The following NCKAP5 variants were observed in gnomAD, a reference collection of about 807,000 sequenced individuals.
NCKAP5 encodes NCK associated protein 5, also known as nck-associated protein 5.
A neutral mutation model predicts 167.0 loss-of-function variants in NCKAP5; 92 were observed. The observed-to-expected ratio is 0.55, with a 90% CI of 0.47 to 0.66. The LOEUF (loss-of-function observed/expected upper bound fraction) is 0.66. Among genes scored for constraint, NCKAP5 ranks in the 30% least tolerant of loss-of-function variants. The probability of loss-of-function intolerance (pLI) is 0.00; values close to 1 mark genes in which losing one functional copy is unlikely to be tolerated. For missense variants in NCKAP5, 2,378 were observed against 2,315.0 expected (o/e 1.03, Z -0.56); for synonymous variants, 891 against 877.4 (o/e 1.02, Z -0.27).
chr2:133,263,697 C>T (rs1054100557), intron 4 of NCKAP5, among the ~76,000 whole-genome samples: 1 of 152,108 alleles, frequency 6.6e-6, no homozygotes, highest in Admixed American at 6.6e-5. Flanking sequence ...GCCTTCTGTA[C>T]ATCCTCCCTA....
At chr2:132,796,098 C>T (rs968602487) in intron 12 of NCKAP5, among the ~76,000 whole-genome samples, 1 of 152,050 alleles carries the variant, frequency 6.6e-6, no homozygotes, top group Non-Finnish European at 1.5e-5. Context: ...CACAAATGTT[C>T]ATGTCATTGT....
At chr2:132,909,772 C>T (rs2148947740) in intron 8 of NCKAP5, among the ~76,000 whole-genome samples, 2 of 152,284 alleles carry the variant, frequency 1.3e-5, no homozygotes, top group Middle Eastern at 6.8e-3. Context: ...ATTTATGGCT[C>T]CTGCTGCTGC....
intron 5 of NCKAP5, among the ~76,000 whole-genome samples, chr2:133,181,135 A>G: frequency 6.7e-6 from 1 of 149,858 alleles, no homozygotes; most frequent in East Asian, 1.9e-4. Context: ...AGCAAAAACA[A>G]CACTATGTGA....
intron 6 of NCKAP5, among the ~76,000 whole-genome samples, chr2:133,036,497 A>C (rs1217070342): frequency 6.6e-6 from 1 of 152,088 alleles, no homozygotes; most frequent in East Asian, 1.9e-4. Flanking sequence ...TATCCCTGGG[A>C]TGCAAGGATG....
intron 3 of NCKAP5, among the ~76,000 whole-genome samples, chr2:133,503,164 T>C (rs1364473545): frequency 6.6e-6 from 1 of 152,168 alleles, no homozygotes; most frequent in Non-Finnish European, 1.5e-5. Flanking sequence ...CAACCCTTGG[T>C]TTTTATCTTA....
At chr2:133,672,600 T>C in the NCKAP5 span, among the ~76,000 whole-genome samples, 6 of 152,184 alleles carry the variant, frequency 3.9e-5, no homozygotes, top group African/African-American at 1.4e-4. Flanking sequence ...AAGAACCCAA[T>C]AGTAAATGTT....
chr2:133,280,756 G>C (rs74454919), intron 4 of NCKAP5, among the ~76,000 whole-genome samples: 1 of 152,084 alleles, frequency 6.6e-6, no homozygotes, highest in Non-Finnish European at 1.5e-5. Context: ...TGTAAATAGC[G>C]CTTTATTGGA....
chr2:132,688,985 CAAAA>C (rs34015551), intron 19 of NCKAP5, among the ~76,000 whole-genome samples: 4 of 66,332 alleles, frequency 6.0e-5, no homozygotes, highest in Admixed American at 1.9e-4. Context: ...GACACCAACT[CAAAA>C]AAAAAAAAAA....
the NCKAP5 span, among the ~76,000 whole-genome samples, chr2:133,626,726 T>C: frequency 1.3e-5 from 2 of 152,050 alleles, no homozygotes; most frequent in African/African-American, 4.8e-5. Flanking sequence ...TTAAATAACC[T>C]GGAAGTAGTA....
chr2:132,856,417 A>G (rs1043518736), intron 11 of NCKAP5, among the ~76,000 whole-genome samples: 1 of 152,154 alleles, frequency 6.6e-6, no homozygotes, highest in African/African-American at 2.4e-5. Flanking sequence ...GCAAAAACAA[A>G]AAGTCCGCAT....
chr2:132,689,146 C>T (rs1686383203), intron 19 of NCKAP5, among the ~76,000 whole-genome samples: 2 of 152,070 alleles, frequency 1.3e-5, no homozygotes, highest in South Asian at 2.1e-4. Flanking sequence ...GGGCATGGAA[C>T]CATGCCACAT....
chr2:133,594,399 C>T, the NCKAP5 span, among the ~76,000 whole-genome samples: 1 of 152,182 alleles, frequency 6.6e-6, no homozygotes, highest in Admixed American at 6.5e-5. Flanking sequence ...GACATGCCAC[C>T]ATGAGGATAC....
chr2:133,473,786 TAA>T (rs1228317093), intron 3 of NCKAP5, among the ~76,000 whole-genome samples: 1 of 152,210 alleles, frequency 6.6e-6, no homozygotes, highest in Non-Finnish European at 1.5e-5. Context: ...GCCTCATATT[TAA>T]GTTTTTCTTT....
At chr2:133,124,112 TA>T (rs1031777009) in intron 6 of NCKAP5, among the ~76,000 whole-genome samples, 1 of 152,070 alleles carries the variant, frequency 6.6e-6, no homozygotes, top group African/African-American at 2.4e-5. Context: ...CCCATTACAG[TA>T]AGTAAAGAAA....
Position 132,782,841 on chromosome 2 carries a change from T to C in NCKAP5, c.3970A>G (p.Asn1324Asp), listed in dbSNP as rs778252352. The C allele has an allele frequency of 2.5e-6, 4 of 1,613,862 alleles. No individual in the cohort carries two copies. The South Asian group carries it at 3.3e-5, about 13-fold the overall frequency. Residue 1324 changes from asparagine to aspartate, a missense_variant, in exon 14 of 20, where the codon AAC (asparagine) becomes GAC (aspartate). Physicochemically the swap from Asn to Asp is conservative, Grantham distance 23. This residue lies in a region of NCKAP5 where 1,325 missense variants were observed against 1,274.5 expected (regional missense o/e 1.04). Coordinates refer to ENST00000409261, the MANE Select transcript of NCKAP5 (RefSeq NM_207363.3). ...RQNSSTESSPNKAPSAPMLES... is the reference protein window; with the variant it reads ...RQNSSTESSPDKAPSAPMLES... ...AACATGGGAGCAGAAGGGGCCTTGT[T>C]GGGAGAGCTTTCCGTGGAAGAGTTC...
chr2:132,866,761 G>A (rs1190613122), intron 10 of NCKAP5, among the ~76,000 whole-genome samples: 1 of 152,114 alleles, frequency 6.6e-6, no homozygotes, highest in Non-Finnish European at 1.5e-5. Flanking sequence ...GGATCTTCTG[G>A]TGACTTAGAT....
At position 132,769,608 on chromosome 2, in the gene NCKAP5, C is replaced by CTTTT. The variant is rs373433899; in HGVS notation, c.5128+4204_5128+4207dup. On this transcript the variant is annotated intron_variant, in intron 16 of 19. Coordinates refer to ENST00000409261, the MANE Select transcript of NCKAP5 (RefSeq NM_207363.3). ...CTCATTCAGTCTTAAAATGGAGGGA[C>CTTTT]TTTTTAGAAGGTCTGTGGAGAACCT... is the stretch of plus-strand genomic sequence containing the variant. Among the ~76,000 whole-genome samples the CTTTT allele has an allele frequency of 1.5e-3, 221 of 152,214 alleles. 1 individual carries two copies. The highest frequency in any genetic ancestry group is 5.2e-3 in the African/African-American group (215 of 41,536).
chr2:132,983,908 C>T (rs370364030), intron 7 of NCKAP5, among the ~76,000 whole-genome samples: 1 of 152,204 alleles, frequency 6.6e-6, no homozygotes, highest in Non-Finnish European at 1.5e-5. Context: ...ACCCTTTGAA[C>T]TTCCATTGAG....
intron 3 of NCKAP5, among the ~76,000 whole-genome samples, chr2:133,330,788 T>C (rs531049257): frequency 3.9e-5 from 6 of 152,124 alleles, no homozygotes; most frequent in Non-Finnish European, 5.9e-5. Flanking sequence ...CTCAGCCTAC[T>C]TGGGAGGCTG....
Sources: allele counts gnomAD v4.1 joint callset (sites outside exome capture counted in the v4.1 genomes callset), GRCh38; gene constraint gnomAD v4.1.1; regional missense constraint gnomAD v4.1.1; transcripts MANE v1.5; gene names NCBI Gene and HGNC (gene_info 2026-07-23, HGNC 2026-07-21).